The following PSD3 variants were observed in gnomAD, a reference collection of about 807,000 sequenced individuals.
PSD3 encodes the protein pleckstrin and Sec7 domain containing 3.
A neutral mutation model predicts 105.5 loss-of-function variants in PSD3; 49 were observed. The ratio of observed to expected loss-of-function variants is 0.46; its 90% CI spans 0.37 to 0.59. The LOEUF is 0.59. Among genes scored for constraint, PSD3 ranks in the 20% least tolerant of loss-of-function variants. The probability of loss-of-function intolerance (pLI) is 0.00; values close to 1 mark genes in which losing one functional copy is unlikely to be tolerated. For synonymous variants in PSD3, 557 were observed against 457.8 expected (o/e 1.22, Z -2.77); for missense variants, 1,561 against 1,263.8 (o/e 1.24, Z -3.57).
chr8:18,870,619 T>G (rs1817266311), intron 3 of PSD3, among the ~76,000 whole-genome samples: 1 of 151,336 alleles, frequency 6.6e-6, no homozygotes, highest in Non-Finnish European at 1.5e-5. Context: ...CCATGGCACA[T>G]GTATACTTAT....
At chr8:18,829,270 T>C (rs1813481185) in intron 4 of PSD3, among the ~76,000 whole-genome samples, 1 of 151,970 alleles carries the variant, frequency 6.6e-6, no homozygotes, top group Non-Finnish European at 1.5e-5. Flanking sequence ...GGGCAAATTA[T>C]CTAACATTTA....
At chr8:18,828,674 G>C (rs145433876) in intron 4 of PSD3, among the ~76,000 whole-genome samples, 3 of 152,068 alleles carry the variant, frequency 2.0e-5, no homozygotes, top group African/African-American at 4.8e-5. Context: ...ACAAAAGTTA[G>C]CTGGGGCTGG....
At chr8:18,838,239 TGTAGAGC>T (rs1389366820) in intron 4 of PSD3, among the ~76,000 whole-genome samples, 1 of 152,176 alleles carries the variant, frequency 6.6e-6, no homozygotes, top group African/African-American at 2.4e-5. Flanking sequence ...TCTGATTTCA[TGTAGAGC>T]GATGGCTTTA....
chr8:18,668,415 T>C (rs190279457), intron 9 of PSD3, among the ~76,000 whole-genome samples: 1 of 152,232 alleles, frequency 6.6e-6, no homozygotes, highest in Admixed American at 6.5e-5. Context: ...CTTCCTCTGA[T>C]AATAACTATC....
chr8:18,793,665 C>A (rs78593430), intron 8 of PSD3, among the ~76,000 whole-genome samples: 1 of 152,258 alleles, frequency 6.6e-6, no homozygotes, highest in Non-Finnish European at 1.5e-5. Context: ...AGAGAGAAAA[C>A]TGAATGCCAA....
chr8:18,810,984 A>G (rs576444060), intron 4 of PSD3, among the ~76,000 whole-genome samples: 2 of 152,356 alleles, frequency 1.3e-5, no homozygotes, highest in East Asian at 1.9e-4. Flanking sequence ...GGAAAAGAAA[A>G]TAATTTTGTC....
At chr8:18,884,845 T>C (rs1818354409) in intron 2 of PSD3, among the ~76,000 whole-genome samples, 1 of 152,186 alleles carries the variant, frequency 6.6e-6, no homozygotes, top group South Asian at 2.1e-4. Flanking sequence ...TACCATTCAG[T>C]CAATTTCAGA....
intron 1 of PSD3, among the ~76,000 whole-genome samples, chr8:19,059,377 G>GA (rs144235350): frequency 0.065 from 9,916 of 151,982 alleles, 422 homozygotes; most frequent in Middle Eastern, 0.16. Context: ...GAACTCAAAG[G>GA]AAAAAAAGGA....
intron 1 of PSD3, among the ~76,000 whole-genome samples, chr8:19,083,160 C>G (rs553658212): frequency 3.9e-5 from 6 of 152,318 alleles, no homozygotes; most frequent in African/African-American, 1.4e-4. Context: ...TTCCTTCCGT[C>G]TCATCCCACC....
chr8:18,789,151 A>C (rs774518394), intron 8 of PSD3, among the ~76,000 whole-genome samples: 1 of 152,232 alleles, frequency 6.6e-6, no homozygotes, highest in Non-Finnish European at 1.5e-5. Context: ...AAATAGTACC[A>C]CAGCACAGTG....
chr8:18,829,856 C>T (rs1433030285), intron 4 of PSD3, among the ~76,000 whole-genome samples: 1 of 151,854 alleles, frequency 6.6e-6, no homozygotes, highest in Non-Finnish European at 1.5e-5. Context: ...AAAAGACAAC[C>T]GTTTCACAGG....
At chr8:19,060,276 C>T (rs955730916) in intron 1 of PSD3, among the ~76,000 whole-genome samples, 6 of 152,094 alleles carry the variant, frequency 3.9e-5, no homozygotes, top group African/African-American at 1.4e-4. Flanking sequence ...TTCCAAGAAA[C>T]AGTTTTAGGA....
intron 4 of PSD3, among the ~76,000 whole-genome samples, chr8:18,820,403 G>T (rs559750921): frequency 2.4e-4 from 37 of 152,064 alleles, no homozygotes; most frequent in Non-Finnish European, 8.8e-5. Flanking sequence ...TATCTGTGGG[G>T]TACTGGTTCT....
At chr8:19,005,938 A>C (rs56703064) in intron 1 of PSD3, among the ~76,000 whole-genome samples, 3,400 of 152,030 alleles carry the variant, frequency 0.022, 140 homozygotes, top group African/African-American at 0.078. Context: ...GTTTAAAAAA[A>C]GGATCCCATT....
At chr8:19,009,503 G>A (rs1826857759) in intron 1 of PSD3, among the ~76,000 whole-genome samples, 1 of 152,128 alleles carries the variant, frequency 6.6e-6, no homozygotes, top group African/African-American at 2.4e-5. Context: ...GGGAATAAGG[G>A]AGACAACCCA....
At chr8:18,568,156 A>G (rs899261395) in intron 14 of PSD3, among the ~76,000 whole-genome samples, 28 of 152,170 alleles carry the variant, frequency 1.8e-4, no homozygotes, top group African/African-American at 6.5e-4. Context: ...TGAGCCAAAT[A>G]AACCTCTCTT....
chr8:18,643,071 G>A (rs1255847494), intron 10 of PSD3, among the ~76,000 whole-genome samples: 2 of 152,182 alleles, frequency 1.3e-5, no homozygotes, highest in Non-Finnish European at 2.9e-5. Context: ...ACTGGCTGAG[G>A]AGTTTATCAC....
intron 2 of PSD3, among the ~76,000 whole-genome samples, chr8:18,922,458 G>A (rs1015668559): frequency 9.2e-5 from 14 of 152,144 alleles, no homozygotes; most frequent in Admixed American, 3.3e-4. Flanking sequence ...TAAACTAAAC[G>A]GAAGTGCTTT....
chr8:18,872,688 T>G lies in PSD3; in HGVS notation c.176A>C (p.Glu59Ala), dbSNP rs1817470886. The G allele has an allele frequency of 6.3e-7, 1 of 1,590,254 alleles. No individual in the cohort carries two copies. The highest frequency in any genetic ancestry group is 1.4e-5 in the African/African-American group (1 of 73,800). The change falls in exon 3 of 16, where the codon GAA becomes GCA. Residue 59 changes from glutamate to alanine, a missense_variant. By Grantham distance (107) the Glu-to-Ala change is moderately radical (BLOSUM62 -1). Transcript: ENST00000327040. Reference protein sequence around the residue: ...STLLPPNVTNEFPEYGTMEEG... With the variant: ...STLLPPNVTNAFPEYGTMEEG... ...CTCCATGGTCCCATATTCTGGAAATTCATTTGTGACATTTGGTGGGAGTAA... is the reference window on the plus strand; with the variant it reads ...CTCCATGGTCCCATATTCTGGAAATGCATTTGTGACATTTGGTGGGAGTAA...
Sources: gnomAD v4.1 joint callset for allele counts (sites outside exome capture counted in the v4.1 genomes callset) on GRCh38, gnomAD v4.1.1 for gene constraint, MANE v1.5 for transcripts, NCBI Gene and HGNC (gene_info 2026-07-23, HGNC 2026-07-21) for gene names.